The following DLG5 variants were observed in gnomAD, a reference collection of about 807,000 sequenced individuals.
DLG5 encodes discs large MAGUK scaffold protein 5.
A neutral mutation model predicts 189.8 loss-of-function variants in DLG5; 48 were observed. The ratio of observed to expected loss-of-function variants is 0.25; its 90% CI spans 0.20 to 0.32. DLG5 has a LOEUF of 0.32. Ranked by LOEUF, DLG5 falls within the 10% of genes least tolerant of loss-of-function variation. The pLI is 1.00. For missense variants in DLG5, 2,160 were observed against 2,544.7 expected (o/e 0.85, Z 3.25); for synonymous variants, 1,016 against 1,054.1 (o/e 0.96, Z 0.70).
intron 20 of DLG5, among the ~76,000 whole-genome samples, chr10:77,812,873 T>C (rs1841851878): frequency 1.3e-5 from 2 of 152,348 alleles, no homozygotes; most frequent in African/African-American, 2.4e-5. Flanking sequence ...CCCAAGCCTT[T>C]GTAAAGGGAG....
intron 1 of DLG5, among the ~76,000 whole-genome samples, chr10:77,912,117 G>A (rs1421487922): frequency 6.7e-5 from 10 of 149,606 alleles, no homozygotes; most frequent in South Asian, 2.1e-4. Flanking sequence ...CAGGAGGATC[G>A]CCTGAGCCCA....
At chr10:77,928,424 C>G (rs1289189227), upstream of DLG5, 1 of 152,236 alleles carries the variant, frequency 6.6e-6, no homozygotes, top group Non-Finnish European at 1.5e-5. Context: ...CGTAGTCTGA[C>G]CCTCTATGGC....
intron 27 of DLG5, among the ~76,000 whole-genome samples, chr10:77,799,342 G>A (rs1019313320): frequency 2.0e-5 from 3 of 152,298 alleles, no homozygotes; most frequent in Non-Finnish European, 2.9e-5. Flanking sequence ...CTTTGGAGAC[G>A]GAGTCTTCAG....
chr10:77,842,233 C>A, intron 6 of DLG5, 40 bp from the exon 7 acceptor site: 4 of 1,576,960 alleles, frequency 2.5e-6, no homozygotes, highest in Non-Finnish European at 3.4e-6. Context: ...GGGCGGGGGC[C>A]CTGCCCGGTC....
intron 1 of DLG5, among the ~76,000 whole-genome samples, chr10:77,885,216 C>A (rs1195743985): frequency 6.6e-6 from 1 of 152,196 alleles, no homozygotes; most frequent in African/African-American, 2.4e-5. Flanking sequence ...AGAGCATGAG[C>A]CCATTCTTAG....
intron 1 of DLG5, among the ~76,000 whole-genome samples, chr10:77,900,501 GA>G (rs1202595762): frequency 1.3e-5 from 2 of 152,168 alleles, no homozygotes; most frequent in Admixed American, 1.3e-4. Context: ...TTCCATAAGA[GA>G]AAAACGATCC....
At chr10:77,808,696 A>G (rs1009535265) in intron 24 of DLG5, among the ~76,000 whole-genome samples, 4 of 152,138 alleles carry the variant, frequency 2.6e-5, no homozygotes, top group African/African-American at 9.7e-5. Flanking sequence ...CCTGATGCCC[A>G]GGGCCTGAGC....
chr10:77,828,538 C>T (rs368593107), intron 13 of DLG5, among the ~76,000 whole-genome samples: 5 of 143,166 alleles, frequency 3.5e-5, no homozygotes, highest in African/African-American at 1.3e-4. Context: ...ACAGGTGGTA[C>T]CAAAGCAAGT....
At chr10:77,858,577 G>C (rs1198316591) in intron 2 of DLG5, among the ~76,000 whole-genome samples, 1 of 151,930 alleles carries the variant, frequency 6.6e-6, no homozygotes, top group African/African-American at 2.4e-5. Context: ...CGTCAAGGCT[G>C]CAGTGAGCCG....
At chr10:77,894,543 C>CTTTT (rs35379334) in intron 1 of DLG5, among the ~76,000 whole-genome samples, 130 of 95,844 alleles carry the variant, frequency 1.4e-3, no homozygotes, top group Non-Finnish European at 1.7e-3. Context: ...AAGAATAAAG[C>CTTTT]TTTTTTTTTT....
In DLG5 at chr10:77,821,122, G is replaced by C; in HGVS notation, c.3362C>G (p.Pro1121Arg). The change falls in exon 15 of 32, where the codon CCG becomes CGG. Residue 1121 changes from proline (P) to arginine (R), a missense_variant. This residue lies in a region of DLG5 where 754 missense variants were observed against 746.5 expected (regional missense o/e 1.01). Transcript: ENST00000372391. ...AGGAATCACTACTGGAGCAAGCTTC[G>C]GCCGAAAACTGGGAGCAGATTTTGG... ...RRPKSAPSFRPKLAPVVIPAQ... is the reference protein window; with the variant it reads ...RRPKSAPSFRRKLAPVVIPAQ... The C allele has an allele frequency of 6.2e-7, 1 of 1,613,918 alleles. No homozygotes were observed. The highest frequency in any genetic ancestry group is 1.7e-5 in the Admixed American group (1 of 60,010).
intron 20 of DLG5, 69 bp from the exon 21 acceptor site, chr10:77,812,446 T>C (rs1841825120): frequency 6.5e-7 from 1 of 1,530,204 alleles, no homozygotes; most frequent in African/African-American, 1.4e-5. Flanking sequence ...CTGAGCTCTC[T>C]GATCAGGCAT....
chr10:77,821,763 C>T lies in DLG5; in HGVS notation c.2721G>A (p.Leu907=), dbSNP rs1403562566. 2 of 1,609,644 alleles carry T rather than the reference C, an allele frequency of 1.2e-6. No individual in the cohort carries two copies. The highest frequency in any genetic ancestry group is 1.7e-4 in the Middle Eastern group (1 of 6,054). The change falls in exon 15 of 32, where the codon CTG becomes CTA. Residue 907 remains leucine, a synonymous_variant. Coordinates refer to ENST00000372391, the MANE Select transcript of DLG5 (RefSeq NM_004747.4). ...SDASGDRGFG[L]VDVRGRRPLL... Reference sequence around the variant, plus strand: ...GTGGCCGCCGGCCACGCACGTCCACCAGCCCAAAGCCACGGTCCCCAGAGG... The same window carrying T: ...GTGGCCGCCGGCCACGCACGTCCACTAGCCCAAAGCCACGGTCCCCAGAGG...
chr10:77,914,251 C>T (rs937971921), intron 1 of DLG5, among the ~76,000 whole-genome samples: 1 of 152,222 alleles, frequency 6.6e-6, no homozygotes, highest in African/African-American at 2.4e-5. Context: ...CAGGCCTCTG[C>T]CTTGGGCATC....
chr10:77,883,759 T>C (rs796442916), intron 1 of DLG5, among the ~76,000 whole-genome samples: 41 of 145,214 alleles, frequency 2.8e-4, no homozygotes, highest in African/African-American at 1.0e-3. Flanking sequence ...TGCAGTGGTG[T>C]GATCTCAGCT....
At position 77,853,409 on chromosome 10, in the gene DLG5, C is replaced by T. The variant is rs750125088; in HGVS notation, c.809G>A (p.Arg270Gln). ...LLQQSWEDMK[R>Q]LHEEDQKEIG... is the part of the protein sequence containing the mutation. ...CTCCTTCTGGTCCTCCTCGTGGAGCCGCTTCATGTCCTCCCATGACTGCTG... is the reference window on the plus strand; with the variant it reads ...CTCCTTCTGGTCCTCCTCGTGGAGCTGCTTCATGTCCTCCCATGACTGCTG... The change falls in exon 5 of 32, where the codon CGG (arginine) becomes CAG (glutamine). Residue 270 changes from arginine (R) to glutamine (Q), a missense_variant. Around this residue, in one of 5 missense-constraint regions of DLG5, gnomAD observed 664 missense variants for 838.5 expected, o/e 0.79. Coordinates refer to ENST00000372391, the MANE Select transcript of DLG5 (RefSeq NM_004747.4). The T allele has an allele frequency of 5.0e-6, 8 of 1,606,356 alleles. No homozygotes were observed. In the African/African-American group the frequency reaches 5.3e-5, roughly 11 times the overall value.
At chr10:77,866,100 G>C (rs778936339) in intron 2 of DLG5, among the ~76,000 whole-genome samples, 8 of 152,124 alleles carry the variant, frequency 5.3e-5, no homozygotes, top group Admixed American at 1.3e-4. Context: ...CTGCCAGGGC[G>C]GTGTGTGCTT....
chr10:77,830,201 G>A lies in DLG5; in HGVS notation c.2009+16C>T, dbSNP rs765416344. The A allele has an allele frequency of 3.0e-5, 48 of 1,613,764 alleles. No individual in the cohort carries two copies. In the South Asian group the frequency reaches 4.9e-4, roughly 17 times the overall value. On this transcript the variant is annotated intron_variant, in intron 11 of 31. Transcript: ENST00000372391. ...GGGCCCCACCTTGCCTCCAGAGCCTGGGCCTCAACTCTTACCTTAAGCGGC... is the reference window on the plus strand; with the variant it reads ...GGGCCCCACCTTGCCTCCAGAGCCTAGGCCTCAACTCTTACCTTAAGCGGC...
In DLG5 at chr10:77,825,189, A is replaced by G. The variant is rs11002305; in HGVS notation, c.2290-713T>C. On this transcript the variant is annotated intron_variant, in intron 13 of 31. Transcript: ENST00000372391. ...TACTATATGATTCCATGTCTGTAAC[A>G]TTCTCAAAAGGACAACATCACAGAG... 9.2e-3 allele frequency among the ~76,000 whole-genome samples: 1,399 copies of G among 152,286 alleles called. 29 individuals are homozygous for G. The highest frequency in any genetic ancestry group is 0.072 in the East Asian group (371 of 5,174).
Sources: gnomAD v4.1 joint callset for allele counts (sites outside exome capture counted in the v4.1 genomes callset) on GRCh38, gnomAD v4.1.1 for gene constraint, gnomAD v4.1.1 regional missense constraint, MANE v1.5 for transcripts, NCBI Gene and HGNC (gene_info 2026-07-23, HGNC 2026-07-21) for gene names.